The following MROH2B variants were observed in gnomAD, a reference collection of about 807,000 sequenced individuals.
MROH2B encodes the protein maestro heat like repeat family member 2B, also known as maestro heat-like repeat-containing protein family member 2B.
In MROH2B, 177 loss-of-function variants were observed where a neutral mutation model predicts 208.6. The observed-to-expected ratio is 0.85, with a 90% CI of 0.75 to 0.96. The LOEUF (loss-of-function observed/expected upper bound fraction) is 0.96, where lower values mean the gene tolerates loss of function less well. Among genes scored for constraint, MROH2B ranks in the 40% least tolerant of loss-of-function variants. The probability of loss-of-function intolerance (pLI) is 0.00; values close to 1 mark genes in which losing one functional copy is unlikely to be tolerated. For missense variants in MROH2B, 2,002 were observed against 1,878.7 expected, an observed-to-expected ratio of 1.07 and a Z score of -1.21; for synonymous variants, 728 against 659.0, an observed-to-expected ratio of 1.10 and a Z score of -1.60.
chr5:41,067,714 G>C (rs779136214), intron 2 of MROH2B, among the ~76,000 whole-genome samples: 5 of 152,232 alleles, frequency 3.3e-5, no homozygotes, highest in Non-Finnish European at 5.9e-5. Context: ...GGAGTCAAAG[G>C]CTACAGAGCA....
At chr5:41,000,945 C>T in intron 37 of MROH2B, 112 bp from the exon 38 acceptor site, 1 of 1,216,752 alleles carries the variant, frequency 8.2e-7, no homozygotes, top group Non-Finnish European at 1.1e-6. Context: ...AGGCTGGAAC[C>T]CAGGCACTTG....
chr5:41,009,543 G>A, intron 31 of MROH2B, 137 bp from the exon 32 acceptor site: 3 of 1,158,370 alleles, frequency 2.6e-6, no homozygotes, highest in Non-Finnish European at 3.6e-6. Flanking sequence ...CATGCCTGGG[G>A]ATAAGAAAGA....
intron 35 of MROH2B, chr5:41,005,194 G>A: frequency 1.9e-6 from 1 of 531,702 alleles, no homozygotes; most frequent in Non-Finnish European, 3.3e-6. Context: ...AGGAATGACT[G>A]ATAGTTTTCC....
chr5:40,999,711 C>G lies in MROH2B; in HGVS notation c.4551G>C (p.Trp1517Cys), dbSNP rs1741323218. The G allele has an allele frequency of 6.2e-7, 1 of 1,613,578 alleles. No individual in the cohort carries two copies. Among genetic ancestry groups the G allele is most frequent in the African/African-American group, 1.3e-5 (1 of 75,032 alleles). The change falls in exon 40 of 42, where the codon TGG (tryptophan) becomes TGC (cysteine). Residue 1517 changes from tryptophan to cysteine, a missense_variant. Coordinates refer to ENST00000399564, the MANE Select transcript of MROH2B (RefSeq NM_173489.5). ...THSFTFFTST[W>C]EVIRSAAVKL... ...TGACAGCTGCACTCCTGATCACCTC[C>G]CAGGTGCTGGTGAAGAAGGTGAAGG...
chr5:41,031,124 G>T (rs1742554067), intron 24 of MROH2B, among the ~76,000 whole-genome samples: 1 of 152,072 alleles, frequency 6.6e-6, no homozygotes, highest in Non-Finnish European at 1.5e-5. Flanking sequence ...AAATACCCGA[G>T]ACTAGGTAAT....
intron 5 of MROH2B, among the ~76,000 whole-genome samples, chr5:41,064,230 T>C (rs1235832890): frequency 1.3e-5 from 2 of 152,190 alleles, no homozygotes; most frequent in East Asian, 3.9e-4. Context: ...TTACTTTCCT[T>C]GAACCTCAGT....
At chr5:41,000,142 CT>C in intron 39 of MROH2B, 77 bp downstream of exon 39, 3 of 1,565,650 alleles carry the variant, frequency 1.9e-6, no homozygotes, top group Non-Finnish European at 2.6e-6. Context: ...AAATTCCTTG[CT>C]ACATTGTTTG....
chr5:41,026,830 C>A (rs1163335292), intron 24 of MROH2B, among the ~76,000 whole-genome samples: 1 of 152,062 alleles, frequency 6.6e-6, no homozygotes, highest in Non-Finnish European at 1.5e-5. Context: ...GTACTCATGC[C>A]AAAACAGAGA....
Position 41,027,954 on chromosome 5 carries a change from C to T in MROH2B, c.2441+4788G>A, listed in dbSNP as rs542298349. Among the ~76,000 whole-genome samples, 31 of 151,952 alleles carry T rather than the reference C, an allele frequency of 2.0e-4. 1 individual carries two copies. In the East Asian group the frequency reaches 2.3e-3, roughly 11 times the overall value. On this transcript the variant is annotated intron_variant, in intron 24 of 41. Transcript: ENST00000399564. ...ATTGCAAGGCCGAAAAACCAAACAC[C>T]GCTTGTTCTCACTCACAGGTGGGAA...
chr5:41,009,375 C>A lies in MROH2B; in HGVS notation c.3325G>T (p.Glu1109Ter). Residue 1109 changes from glutamate to a stop codon, truncating the protein, a stop_gained, in exon 32 of 42, where the codon GAA (glutamate) becomes TAA (stop). Coordinates refer to ENST00000399564, the MANE Select transcript of MROH2B (RefSeq NM_173489.5). LOFTEE classifies it high-confidence loss of function. Reference protein sequence around the residue: ...DTKTLWKALAEKPASSGKLLQ... With the variant: ...DTKTLWKALA ...AGTTTCCCACTGGAGGCTGGCTTTT[C>A]AGCCAGCGCCTTCCACAATGTCTTT... is the stretch of plus-strand genomic sequence containing the variant. 1 of 1,613,874 alleles carries A rather than the reference C, an allele frequency of 6.2e-7. No individual in the cohort carries two copies. The highest frequency in any genetic ancestry group is 8.5e-7 in the Non-Finnish European group (1 of 1,179,800).
rs1742120644 is a variant in MROH2B, at chr5:41,020,787, T to A, written c.2442-1769A>T. 2.0e-5 allele frequency among the ~76,000 whole-genome samples: 3 copies of A among 152,170 alleles called. 1 individual carries two copies. The South Asian group carries it at 6.2e-4, about 31-fold the overall frequency. ...ATATTAGGCAGCCATTAAAGATATATTTGTTACCTCAATATAATAAATGAC... is the reference window on the plus strand; with the variant it reads ...ATATTAGGCAGCCATTAAAGATATAATTGTTACCTCAATATAATAAATGAC... On this transcript the variant is annotated intron_variant, in intron 24 of 41. Transcript: ENST00000399564.
chr5:41,045,287 C>G lies in MROH2B; in HGVS notation c.1836+459G>C, dbSNP rs192458640. Among the ~76,000 whole-genome samples, 754 of 152,306 alleles carry G rather than the reference C, an allele frequency of 5.0e-3. 2 individuals carry two copies. Among genetic ancestry groups the G allele is most frequent in the Middle Eastern group, 0.01 (3 of 294 alleles). Reference sequence around the variant, plus strand: ...TGTCACTGGAAATAAAAACCTATTTCTTTGGGCGCCCTTTCCTAGAACTGG... The same window carrying G: ...TGTCACTGGAAATAAAAACCTATTTGTTTGGGCGCCCTTTCCTAGAACTGG... On this transcript the variant is annotated intron_variant, in intron 18 of 41. Transcript: ENST00000399564.
chr5:41,053,008 G>T (rs1743332905), intron 11 of MROH2B, among the ~76,000 whole-genome samples: 1 of 151,694 alleles, frequency 6.6e-6, no homozygotes, highest in Admixed American at 6.6e-5. Flanking sequence ...GATAGGTTAT[G>T]AAAGAGTCAC....
intron 29 of MROH2B, among the ~76,000 whole-genome samples, chr5:41,014,453 G>A (rs534442715): frequency 8.3e-4 from 127 of 152,270 alleles, no homozygotes; most frequent in African/African-American, 2.9e-3. Flanking sequence ...AGGGGGGTGC[G>A]GAGGGATAGC....
At chr5:41,047,974 T>C (rs1273825838) in intron 16 of MROH2B, among the ~76,000 whole-genome samples, 2 of 152,164 alleles carry the variant, frequency 1.3e-5, no homozygotes, top group African/African-American at 4.8e-5. Context: ...ATCTAGGCTT[T>C]TTGCTAATTT....
At chr5:41,041,603 G>A (rs1439453719) in intron 19 of MROH2B, among the ~76,000 whole-genome samples, 1 of 152,080 alleles carries the variant, frequency 6.6e-6, no homozygotes, top group African/African-American at 2.4e-5. Context: ...CACCCCGGGT[G>A]ACAGAGCGAC....
At chr5:41,025,827 G>T (rs1487712651) in intron 24 of MROH2B, among the ~76,000 whole-genome samples, 1 of 152,132 alleles carries the variant, frequency 6.6e-6, no homozygotes, top group African/African-American at 2.4e-5. Context: ...ACATCAAAAA[G>T]CTTATCCACC....
At chr5:41,034,448 G>A (rs1165533415) in intron 21 of MROH2B, among the ~76,000 whole-genome samples, 1 of 152,036 alleles carries the variant, frequency 6.6e-6, no homozygotes, top group Non-Finnish European at 1.5e-5. Context: ...GCACGCACGT[G>A]CACACACCCC....
At chr5:41,058,444 C>T (rs1321749170) in intron 6 of MROH2B, among the ~76,000 whole-genome samples, 1 of 152,008 alleles carries the variant, frequency 6.6e-6, no homozygotes, top group African/African-American at 2.4e-5. Flanking sequence ...ACTTGCCCTT[C>T]TCTCCTATTT....
Sources: gnomAD v4.1 joint callset for allele counts (sites outside exome capture counted in the v4.1 genomes callset) on GRCh38, gnomAD v4.1.1 for gene constraint, MANE v1.5 for transcripts, NCBI Gene and HGNC (gene_info 2026-07-23, HGNC 2026-07-21) for gene names.